Variants in ANOS1 observed in about 807,000 individuals in gnomAD.
ANOS1 encodes the protein anosmin 1.
ANOS1 carries 6 observed loss-of-function variants against 59.0 expected under a neutral mutation model. The ratio of observed to expected loss-of-function variants is 0.10; its 90% CI spans 0.06 to 0.20. The LOEUF (loss-of-function observed/expected upper bound fraction) is 0.20. Ranked by LOEUF, ANOS1 falls within the 10% of genes least tolerant of loss-of-function variation. The pLI, the probability that ANOS1 is intolerant of heterozygous loss-of-function variation, is 1.00. For missense variants in ANOS1, 433 were observed against 542.3 expected (o/e 0.80, Z 2.00); for synonymous variants, 217 against 223.4 (o/e 0.97, Z 0.25).
chrX:8,536,687 TTG>T (rs1803605897), intron 11 of ANOS1, 82 bp downstream of exon 11: 1 of 802,505 alleles, frequency 1.2e-6, no homozygotes, highest in Non-Finnish European at 1.9e-6. Context: ...TTTCACGGTC[TTG>T]TGAAACGCAG....
intron 13 of ANOS1, among the ~76,000 whole-genome samples, chrX:8,533,955 GA>G (rs1234533282): frequency 2.9e-3 from 270 of 93,012 alleles, no homozygotes; most frequent in African/African-American, 9.2e-3. Context: ...TGCAAGGAAG[GA>G]AAAAAAAAAC....
chrX:8,675,852 C>T (rs1393099281), intron 2 of ANOS1, among the ~76,000 whole-genome samples: 2 of 96,787 alleles, frequency 2.1e-5, no homozygotes, highest in Non-Finnish European at 4.2e-5. Flanking sequence ...GGATGCTCTC[C>T]CTCCCCCCAC....
intron 1 of ANOS1, among the ~76,000 whole-genome samples, chrX:8,730,080 A>C (rs1048655244): frequency 1.5e-4 from 17 of 111,961 alleles, no homozygotes; most frequent in Middle Eastern, 4.6e-3. Flanking sequence ...GCTTCATCTA[A>C]GCTGGTGCTT....
intron 11 of ANOS1, 36 bp from the exon 12 acceptor site, chrX:8,535,847 G>T: frequency 9.0e-7 from 1 of 1,105,987 alleles, no homozygotes; most frequent in Non-Finnish European, 1.3e-6. Flanking sequence ...AGGATTAGGC[G>T]ACTGGAGAAG....
chrX:8,604,209 G>A (rs1026269147), intron 3 of ANOS1, among the ~76,000 whole-genome samples: 5 of 111,477 alleles, frequency 4.5e-5, no homozygotes, highest in African/African-American at 1.6e-4. Flanking sequence ...AAGAGGACTG[G>A]GCTCACCCAG....
chrX:8,672,416 C>T (rs937742488), intron 2 of ANOS1, among the ~76,000 whole-genome samples: 2 of 112,435 alleles, frequency 1.8e-5, no homozygotes, highest in Non-Finnish European at 3.8e-5. Flanking sequence ...CCTAATCTGC[C>T]TGTCCAGTTC....
chrX:8,587,131 T>TGG lies in ANOS1; in HGVS notation c.726+662_726+663insCC, dbSNP rs749868928. Among the ~76,000 whole-genome samples the TGG allele has an allele frequency of 4.6e-3, 442 of 95,199 alleles. 1 individual carries two copies. Among genetic ancestry groups the TGG allele is most frequent in the Admixed American group, 0.022 (171 of 7,740 alleles). The allele number at this position is 95,199 out of a possible 115,157, so 82.7% of individuals were successfully genotyped here. ...TATCCATGTAGGGTTTGTGTGTGTGTGTGGGGGGGTGGTTAGCAGCTGGTA... is the reference window on the plus strand; with the variant it reads ...TATCCATGTAGGGTTTGTGTGTGTGTGGGTGGGGGGGTGGTTAGCAGCTGGTA... On this transcript the variant is annotated intron_variant, in intron 5 of 13. Coordinates refer to ENST00000262648, the MANE Select transcript of ANOS1 (RefSeq NM_000216.4).
intron 4 of ANOS1, among the ~76,000 whole-genome samples, chrX:8,595,435 G>GAA (rs35941065): frequency 8.4e-5 from 9 of 107,117 alleles, no homozygotes; most frequent in South Asian, 4.0e-4. Context: ...CAACGATAAA[G>GAA]AAAAAAAAAC....
intron 2 of ANOS1, among the ~76,000 whole-genome samples, chrX:8,626,722 G>A (rs943346178): frequency 1.6e-4 from 17 of 108,395 alleles, no homozygotes; most frequent in African/African-American, 5.7e-4. Context: ...TTATCCAGGC[G>A]TGGTGGCGGG....
chrX:8,667,114 C>G (rs1932155311), intron 2 of ANOS1, among the ~76,000 whole-genome samples: 1 of 111,515 alleles, frequency 9.0e-6, no homozygotes, highest in South Asian at 3.7e-4. Flanking sequence ...TGCTTTCACC[C>G]AAGGCTGTCC....
intron 8 of ANOS1, among the ~76,000 whole-genome samples, chrX:8,561,442 G>C (rs1468241551): frequency 3.8e-5 from 4 of 105,277 alleles, no homozygotes; most frequent in African/African-American, 1.4e-4. Context: ...TGGGACTACA[G>C]GCGCTCACCA....
chrX:8,578,103 T>C (rs1930359724), intron 6 of ANOS1, among the ~76,000 whole-genome samples: 2 of 111,509 alleles, frequency 1.8e-5, no homozygotes, highest in Non-Finnish European at 3.8e-5. Context: ...GTCTATAGAT[T>C]AAACTTCGCA....
intron 1 of ANOS1, among the ~76,000 whole-genome samples, chrX:8,721,455 A>T (rs1386024077): frequency 3.6e-5 from 4 of 112,158 alleles, no homozygotes. Flanking sequence ...ATGGTCAAAT[A>T]GATATTTTAT....
At chrX:8,701,040 T>C (rs1489757004) in intron 1 of ANOS1, among the ~76,000 whole-genome samples, 6 of 111,525 alleles carry the variant, frequency 5.4e-5, no homozygotes, top group Admixed American at 2.9e-4. Flanking sequence ...AAAATTGTAC[T>C]ATGATTTATT....
intron 2 of ANOS1, among the ~76,000 whole-genome samples, chrX:8,646,278 A>T (rs1931753226): frequency 1.8e-5 from 2 of 110,985 alleles, no homozygotes; most frequent in Non-Finnish European, 3.8e-5. Flanking sequence ...GCCAGGCTCA[A>T]GCGATTCTCC....
intron 1 of ANOS1, among the ~76,000 whole-genome samples, chrX:8,723,155 A>G (rs182763682): frequency 1.4e-4 from 16 of 112,709 alleles, no homozygotes; most frequent in African/African-American, 5.1e-4. Context: ...TTAGGCAAAG[A>G]TTTCATGACC....
intron 12 of ANOS1, chrX:8,535,097 C>T (rs1929565924): frequency 8.8e-6 from 1 of 113,671 alleles, no homozygotes; most frequent in African/African-American, 3.4e-5. Flanking sequence ...TAAAATCCCA[C>T]ACATGATTTT....
chrX:8,680,280 G>A (rs1166364349), intron 2 of ANOS1, among the ~76,000 whole-genome samples: 1 of 107,962 alleles, frequency 9.3e-6, no homozygotes, highest in Non-Finnish European at 1.9e-5. Context: ...CTGCAATGAT[G>A]TGATCATAGC....
At chrX:8,596,347 T>C (rs950742879) in intron 4 of ANOS1, among the ~76,000 whole-genome samples, 1 of 111,379 alleles carries the variant, frequency 9.0e-6, no homozygotes. Flanking sequence ...CGGTGTATTT[T>C]GATGGTATCC....
Sources: gnomAD v4.1 joint callset for allele counts (sites outside exome capture counted in the v4.1 genomes callset) on GRCh38, gnomAD v4.1.1 for gene constraint, MANE v1.5 for transcripts, NCBI Gene and HGNC (gene_info 2026-07-23, HGNC 2026-07-21) for gene names.